The following HLCS variants were observed in gnomAD, a reference collection of about 807,000 sequenced individuals.
The protein encoded by HLCS is biotin--protein ligase.
HLCS carries 53 observed loss-of-function variants against 75.0 expected under a neutral mutation model. The ratio of observed to expected loss-of-function variants is 0.71; its 90% confidence interval spans 0.57 to 0.89. The LOEUF (loss-of-function observed/expected upper bound fraction) is 0.89. HLCS is among the 40% of genes least tolerant of loss of function. The pLI, the probability that HLCS is intolerant of heterozygous loss-of-function variation, is 0.00. For missense variants in HLCS, 966 were observed against 1,074.0 expected, an observed-to-expected ratio of 0.90 and a Z score of 1.41; for synonymous variants, 431 against 428.6, an observed-to-expected ratio of 1.01 and a Z score of -0.07.
At chr21:36,917,285 G>C (rs1402660359) in intron 5 of HLCS, among the ~76,000 whole-genome samples, 3 of 152,172 alleles carry the variant, frequency 2.0e-5, no homozygotes, top group Non-Finnish European at 4.4e-5. Flanking sequence ...TTTAGCTTTT[G>C]ATCTGAACAA....
At position 36,871,067 on chromosome 21, in the gene HLCS, C is replaced by G. The variant is rs558661680; in HGVS notation, c.1892+25793G>C. Reference sequence around the variant, plus strand: ...CGAGGTAGAACATTTTACAGCAACCCTGAGACCGGCCGTGTGCCCAGCAGG... The same window carrying G: ...CGAGGTAGAACATTTTACAGCAACCGTGAGACCGGCCGTGTGCCCAGCAGG... On this transcript the variant is annotated intron_variant, in intron 6 of 10. Coordinates refer to ENST00000674895, the MANE Select transcript of HLCS (RefSeq NM_001352514.2). Among the ~76,000 whole-genome samples the G allele has an allele frequency of 3.9e-5, 6 of 152,262 alleles. 1 individual carries two copies. The South Asian group carries it at 1.2e-3, about 32-fold the overall frequency.
At chr21:36,801,187 A>G (rs1036801932) in intron 6 of HLCS, among the ~76,000 whole-genome samples, 1 of 152,204 alleles carries the variant, frequency 6.6e-6, no homozygotes, top group Non-Finnish European at 1.5e-5. Flanking sequence ...TAAGCCGTCA[A>G]TGCCCCCTCA....
chr21:36,929,334 C>CA (rs1396012197), intron 5 of HLCS, among the ~76,000 whole-genome samples: 1 of 152,228 alleles, frequency 6.6e-6, no homozygotes, highest in East Asian at 1.9e-4. Context: ...GAAAAGGCGA[C>CA]AGAGAAGGTC....
At chr21:36,855,641 A>AT (rs1393875099) in intron 6 of HLCS, among the ~76,000 whole-genome samples, 1 of 151,992 alleles carries the variant, frequency 6.6e-6, no homozygotes, top group African/African-American at 2.4e-5. Flanking sequence ...AAATGGCACA[A>AT]TCATGGCTAA....
intron 6 of HLCS, chr21:36,896,453 T>A: frequency 3.7e-6 from 1 of 271,760 alleles, no homozygotes; most frequent in Non-Finnish European, 7.1e-6. Context: ...TTAGGTGTCA[T>A]TCAAACTTCC....
At chr21:36,965,826 G>A (rs1482776468) in intron 1 of HLCS, among the ~76,000 whole-genome samples, 1 of 151,928 alleles carries the variant, frequency 6.6e-6, no homozygotes, top group African/African-American at 2.4e-5. Context: ...CAAACTCCGG[G>A]GCTCAAGTGA....
chr21:36,955,054 C>G (rs2067865770), intron 2 of HLCS, among the ~76,000 whole-genome samples: 1 of 152,094 alleles, frequency 6.6e-6, no homozygotes, highest in African/African-American at 2.4e-5. Context: ...GAGTGAGATT[C>G]TGTCTCAAAA....
intron 6 of HLCS, among the ~76,000 whole-genome samples, chr21:36,815,190 C>T (rs1325533807): frequency 6.6e-6 from 1 of 152,086 alleles, no homozygotes; most frequent in Non-Finnish European, 1.5e-5. Context: ...CCACATCCCA[C>T]TAATTTTTTT....
chr21:36,911,795 G>A (rs866654766), intron 5 of HLCS, among the ~76,000 whole-genome samples: 101 of 147,378 alleles, frequency 6.9e-4, no homozygotes, highest in African/African-American at 1.7e-3. Flanking sequence ...AGGGCCGGGC[G>A]CGGTGGCTCT....
intron 6 of HLCS, among the ~76,000 whole-genome samples, chr21:36,811,310 C>T (rs2061503267): frequency 6.6e-6 from 1 of 152,190 alleles, no homozygotes; most frequent in Non-Finnish European, 1.5e-5. Flanking sequence ...TAGACTATTA[C>T]AGTACAAGCT....
At chr21:36,936,324 G>T in intron 4 of HLCS, 125 bp downstream of exon 4, 1 of 887,288 alleles carries the variant, frequency 1.1e-6, no homozygotes. Flanking sequence ...CCAGCCAATA[G>T]TCAAAAACAG....
chr21:36,839,266 G>C (rs2062533014), intron 6 of HLCS, among the ~76,000 whole-genome samples: 1 of 152,198 alleles, frequency 6.6e-6, no homozygotes, highest in South Asian at 2.1e-4. Flanking sequence ...CTCCGTGTTG[G>C]TTTAGTGGAT....
intron 9 of HLCS, 90 bp downstream of exon 9, chr21:36,759,637 G>C (rs2089749316): frequency 1.3e-6 from 1 of 784,350 alleles, no homozygotes; most frequent in African/African-American, 1.7e-5. Flanking sequence ...ATGATAATCT[G>C]CTCCTGCCAA....
chr21:36,851,454 A>G (rs116535490), intron 6 of HLCS, among the ~76,000 whole-genome samples: 2,602 of 152,284 alleles, frequency 0.017, 79 homozygotes, highest in African/African-American at 0.059. Flanking sequence ...GTATGTCCTT[A>G]TTTATGTGTG....
chr21:36,879,906 T>C (rs1000185756), intron 6 of HLCS, among the ~76,000 whole-genome samples: 3 of 130,516 alleles, frequency 2.3e-5, no homozygotes, highest in Non-Finnish European at 4.6e-5. Context: ...CAAGATCCCA[T>C]CTCTTAAAGA....
chr21:36,897,358 A>T (rs1334377147), intron 5 of HLCS, among the ~76,000 whole-genome samples: 1 of 152,176 alleles, frequency 6.6e-6, no homozygotes, highest in Non-Finnish European at 1.5e-5. Flanking sequence ...GATCCAAGAA[A>T]ATCAGTTCAG....
At chr21:36,874,175 C>A (rs545462894) in intron 6 of HLCS, among the ~76,000 whole-genome samples, 1 of 152,056 alleles carries the variant, frequency 6.6e-6, no homozygotes. Context: ...CTTTCCCCAT[C>A]GGATTGCTTT....
At chr21:36,844,952 T>C (rs974090811) in intron 6 of HLCS, among the ~76,000 whole-genome samples, 8 of 152,128 alleles carry the variant, frequency 5.3e-5, no homozygotes, top group Non-Finnish European at 1.0e-4. Context: ...TTTAAGGCAA[T>C]TGTAAATACA....
At chr21:36,790,497 A>G (rs540045780) in intron 6 of HLCS, among the ~76,000 whole-genome samples, 124 of 152,316 alleles carry the variant, frequency 8.1e-4, no homozygotes, top group Admixed American at 8.0e-3. Flanking sequence ...CACCAAAATC[A>G]TGGAGGATTA....
Sources: gnomAD v4.1 joint callset for allele counts (sites outside exome capture counted in the v4.1 genomes callset) on GRCh38, gnomAD v4.1.1 for gene constraint, MANE v1.5 for transcripts, NCBI Gene and HGNC (gene_info 2026-07-23, HGNC 2026-07-21) for gene names.